TTC8: variants seen among roughly 807,000 people sequenced by gnomAD.
TTC8 encodes tetratricopeptide repeat domain 8.
In TTC8, 47 loss-of-function variants were observed where a neutral mutation model predicts 72.5. The ratio of observed to expected loss-of-function variants is 0.65; its 90% confidence interval spans 0.51 to 0.83. The LOEUF is 0.83. Ranked by LOEUF, TTC8 falls within the 40% of genes least tolerant of loss-of-function variation. The pLI is 0.00. For synonymous variants in TTC8, 199 were observed against 221.4 expected, an observed-to-expected ratio of 0.90 and a Z score of 0.90; for missense variants, 611 against 623.2, an observed-to-expected ratio of 0.98 and a Z score of 0.21.
intron 7 of TTC8, chr14:88,846,605 T>C: frequency 1.4e-6 from 2 of 1,447,056 alleles, no homozygotes; most frequent in South Asian, 1.3e-5. Flanking sequence ...TAGATTCATC[T>C]TGAAGATGTA....
At chr14:88,831,489 G>T (rs2094725833) in intron 1 of TTC8, among the ~76,000 whole-genome samples, 1 of 152,166 alleles carries the variant, frequency 6.6e-6, no homozygotes, top group Admixed American at 6.5e-5. Context: ...GACTCACCCT[G>T]GAATTATTTC....
At chr14:88,863,216 C>A (rs975937677) in intron 10 of TTC8, among the ~76,000 whole-genome samples, 1 of 152,098 alleles carries the variant, frequency 6.6e-6, no homozygotes, top group East Asian at 1.9e-4. Flanking sequence ...CCCCAAACCA[C>A]GCTGAGATTC....
At chr14:88,868,965 G>C (rs1462891848) in intron 10 of TTC8, among the ~76,000 whole-genome samples, 1 of 152,180 alleles carries the variant, frequency 6.6e-6, no homozygotes, top group African/African-American at 2.4e-5. Context: ...GTATGAGTAT[G>C]TCTAAATATC....
At chr14:88,838,963 T>G (rs939589577) in intron 2 of TTC8, among the ~76,000 whole-genome samples, 5 of 152,162 alleles carry the variant, frequency 3.3e-5, no homozygotes, top group African/African-American at 4.8e-5. Context: ...GCTAGAGTGT[T>G]TTTCAAATAT....
chr14:88,824,775 G>A lies in TTC8; in HGVS notation c.68G>A (p.Cys23Tyr). ...TTTAGGCGCAGGAAGTTCCAGCTCT[G>A]CGCCGATCTATGCACGCAGATGCTG... ...SYFRRRKFQL[C>Y]ADLCTQMLEK... Residue 23 changes from cysteine (C) to tyrosine (Y), a missense_variant, in exon 1 of 15, where the codon TGC (cysteine) becomes TAC (tyrosine). Physicochemically the swap from Cys to Tyr is radical, Grantham distance 194. Transcript: ENST00000380656. 2 of 1,613,356 alleles carry A rather than the reference G, an allele frequency of 1.2e-6. No homozygotes were observed. Among genetic ancestry groups the A allele is most frequent in the Non-Finnish European group, 1.7e-6 (2 of 1,179,760 alleles).
intron 10 of TTC8, among the ~76,000 whole-genome samples, chr14:88,866,418 C>T (rs912075997): frequency 5.9e-5 from 9 of 151,782 alleles, no homozygotes; most frequent in Admixed American, 4.6e-4. Context: ...CACACACGCA[C>T]ACACAAATTC....
In TTC8 at chr14:88,872,324, T is replaced by A; in HGVS notation, c.1225-6T>A. 6.2e-7 allele frequency: 1 copy of A among 1,613,582 alleles called. No individual in the cohort carries two copies. Among genetic ancestry groups the A allele is most frequent in the Non-Finnish European group, 8.5e-7 (1 of 1,179,704 alleles). On this transcript the variant is annotated splice_region_variant and splice_polypyrimidine_tract_variant and intron_variant, in intron 12 of 14. Coordinates refer to ENST00000380656, the MANE Select transcript of TTC8 (RefSeq NM_144596.4). ...CATGGGTGTGAACATAGGCTTTCTT[T>A]TGTAGGGAATAGGAGATACAAATTT...
intron 1 of TTC8, among the ~76,000 whole-genome samples, chr14:88,825,404 G>A (rs937278797): frequency 4.6e-5 from 7 of 152,110 alleles, no homozygotes; most frequent in African/African-American, 1.7e-4. Flanking sequence ...AAATTACCTA[G>A]GCAAGGGAAG....
intron 2 of TTC8, chr14:88,837,002 A>C (rs1473747788): frequency 7.9e-6 from 2 of 252,304 alleles, no homozygotes; most frequent in African/African-American, 4.7e-5. Flanking sequence ...CGGAGGTTGC[A>C]GCAAGCCGAG....
intron 7 of TTC8, among the ~76,000 whole-genome samples, chr14:88,849,531 C>G (rs17700521): frequency 0.21 from 31,740 of 151,880 alleles, 3,828 homozygotes; most frequent in East Asian, 0.32. Context: ...ATATTATAGA[C>G]AAATATAAGA....
intron 7 of TTC8, among the ~76,000 whole-genome samples, chr14:88,852,020 TTAAC>T (rs781214961): frequency 3.9e-5 from 6 of 152,196 alleles, no homozygotes; most frequent in Non-Finnish European, 7.4e-5. Context: ...AAGAGGTACT[TTAAC>T]TGAGCTCTTG....
chr14:88,827,770 T>TA (rs1355811297), intron 1 of TTC8, among the ~76,000 whole-genome samples: 1 of 152,204 alleles, frequency 6.6e-6, no homozygotes, highest in Non-Finnish European at 1.5e-5. Flanking sequence ...TTTTCTTCAT[T>TA]AAAAAAATTA....
intron 13 of TTC8, among the ~76,000 whole-genome samples, chr14:88,873,774 G>A (rs1394601284): frequency 6.6e-6 from 1 of 152,168 alleles, no homozygotes; most frequent in South Asian, 2.1e-4. Flanking sequence ...TTCATACAAT[G>A]TTAGCAGCCA....
At chr14:88,826,600 A>T (rs908445710) in intron 1 of TTC8, among the ~76,000 whole-genome samples, 2 of 152,150 alleles carry the variant, frequency 1.3e-5, no homozygotes, top group African/African-American at 4.8e-5. Flanking sequence ...GTTACTCGGG[A>T]GGCCGAGGTA....
At chr14:88,878,462 A>G (rs1264167682), downstream of TTC8, 1 of 152,224 alleles carries the variant, frequency 6.6e-6, no homozygotes. Context: ...AGATTTGTAT[A>G]AATTGTATAC....
intron 13 of TTC8, among the ~76,000 whole-genome samples, chr14:88,872,799 C>A (rs2094940577): frequency 6.6e-6 from 1 of 152,132 alleles, no homozygotes; most frequent in South Asian, 2.1e-4. Context: ...TTTATTGCTT[C>A]CCCCTGCCAC....
chr14:88,861,235 T>G lies in TTC8; in HGVS notation c.812T>G (p.Leu271Trp). 1 of 1,611,746 alleles carries G rather than the reference T, an allele frequency of 6.2e-7. No homozygotes were observed. The highest frequency in any genetic ancestry group is 2.2e-5 in the East Asian group (1 of 44,674). Residue 271 changes from leucine to tryptophan, a missense_variant, in exon 10 of 15, where the codon TTG (leucine) becomes TGG (tryptophan). Physicochemically the swap from Leu to Trp is moderately conservative, Grantham distance 61. Coordinates refer to ENST00000380656, the MANE Select transcript of TTC8 (RefSeq NM_144596.4). Reference protein sequence around the residue: ...FLYLAKVYVSLDQPVTALNLF... With the variant: ...FLYLAKVYVSWDQPVTALNLF... ...TCTTGTTTTTAGGTTTATGTCTCAT[T>G]GGATCAACCTGTGACTGCTTTAAAT...
intron 10 of TTC8, among the ~76,000 whole-genome samples, chr14:88,869,252 G>A (rs1185114404): frequency 6.6e-6 from 1 of 152,160 alleles, no homozygotes; most frequent in East Asian, 1.9e-4. Context: ...GATAACATTA[G>A]ATGCATACAT....
intron 1 of TTC8, 108 bp from the exon 2 acceptor site, chr14:88,833,585 A>T: frequency 2.1e-6 from 2 of 939,846 alleles, no homozygotes; most frequent in Admixed American, 1.9e-5. Flanking sequence ...TTGGATTCTT[A>T]TTGAATGAGT....
Sources: allele counts gnomAD v4.1 joint callset (sites outside exome capture counted in the v4.1 genomes callset), GRCh38; gene constraint gnomAD v4.1.1; transcripts MANE v1.5; gene names NCBI Gene and HGNC (gene_info 2026-07-23, HGNC 2026-07-21).